Variants in FRMD3 observed in about 807,000 individuals in gnomAD.
The protein encoded by FRMD3 is FERM domain containing 3.
FRMD3 carries 33 observed loss-of-function variants against 70.2 expected under a neutral mutation model. The observed-to-expected ratio is 0.47, with a 90% CI of 0.36 to 0.63. The LOEUF is 0.63. Ranked by LOEUF, FRMD3 falls within the 20% of genes least tolerant of loss-of-function variation. The pLI is 0.00. For synonymous variants in FRMD3, 279 were observed against 255.9 expected, an observed-to-expected ratio of 1.09 and a Z score of -0.86; for missense variants, 632 against 711.4, an observed-to-expected ratio of 0.89 and a Z score of 1.27.
chr9:83,479,855 C>A (rs1828526421), intron 1 of FRMD3, among the ~76,000 whole-genome samples: 1 of 151,140 alleles, frequency 6.6e-6, no homozygotes, highest in African/African-American at 2.4e-5. Flanking sequence ...TAATCGCAAT[C>A]AGTAGTGAAT....
chr9:83,515,135 T>C (rs1217394532), intron 1 of FRMD3, among the ~76,000 whole-genome samples: 3 of 152,130 alleles, frequency 2.0e-5, no homozygotes, highest in Non-Finnish European at 4.4e-5. Flanking sequence ...TTGACAGAAG[T>C]AGGCTTCAGA....
chr9:83,335,675 A>T, intron 5 of FRMD3, 36 bp from the exon 6 acceptor site: 1 of 1,596,188 alleles, frequency 6.3e-7, no homozygotes, highest in Non-Finnish European at 8.5e-7. Flanking sequence ...ACAGAGAAAG[A>T]TTAAAAACAA....
At chr9:83,339,097 T>C (rs894637843) in intron 5 of FRMD3, among the ~76,000 whole-genome samples, 5 of 152,156 alleles carry the variant, frequency 3.3e-5, no homozygotes, top group Non-Finnish European at 7.3e-5. Context: ...TTTTTCAGGG[T>C]GCCCTTTTCT....
At position 83,526,984 on chromosome 9, in the gene FRMD3, C is replaced by A. The variant is rs184941490; in HGVS notation, c.147+11101G>T. 1.3e-3 allele frequency among the ~76,000 whole-genome samples: 201 copies of A among 151,820 alleles called. 2 individuals carry two copies. Among genetic ancestry groups the A allele is most frequent in the African/African-American group, 4.6e-3 (191 of 41,396 alleles). Reference sequence around the variant, plus strand: ...CTCAGCTCCAGAGCTTAAGTTACAACTGGAATGCATTTTGCATGGCCCTCC... The same window carrying A: ...CTCAGCTCCAGAGCTTAAGTTACAAATGGAATGCATTTTGCATGGCCCTCC... On this transcript the variant is annotated intron_variant, in intron 1 of 13. Transcript: ENST00000304195.
At chr9:83,572,943 A>G in the FRMD3 span, among the ~76,000 whole-genome samples, 2 of 152,208 alleles carry the variant, frequency 1.3e-5, no homozygotes, top group Non-Finnish European at 2.9e-5. Context: ...AAAGGCTGTG[A>G]CCATCATGGA....
chr9:83,417,323 GC>G (rs1826486722), intron 1 of FRMD3, among the ~76,000 whole-genome samples: 1 of 152,126 alleles, frequency 6.6e-6, no homozygotes, highest in Non-Finnish European at 1.5e-5. Context: ...AGTAAACCAT[GC>G]CTGCTCTCAG....
intron 5 of FRMD3, among the ~76,000 whole-genome samples, chr9:83,335,860 C>T (rs989390950): frequency 5.9e-5 from 9 of 152,110 alleles, no homozygotes; most frequent in South Asian, 2.1e-4. Flanking sequence ...CTCTGGGTCT[C>T]GCCTTCTTTA....
At chr9:83,553,459 ATCT>A in the FRMD3 span, among the ~76,000 whole-genome samples, 3 of 152,146 alleles carry the variant, frequency 2.0e-5, no homozygotes, top group South Asian at 4.1e-4. Flanking sequence ...CTTGGGGATG[ATCT>A]TCTTGTGTAG....
intron 4 of FRMD3, among the ~76,000 whole-genome samples, chr9:83,344,085 C>T (rs1225856063): frequency 6.6e-6 from 1 of 152,228 alleles, no homozygotes; most frequent in Non-Finnish European, 1.5e-5. Context: ...AGGTTGCAAC[C>T]CCTGGCTCAG....
Position 83,512,572 on chromosome 9 carries a change from G to A in FRMD3, c.147+25513C>T, listed in dbSNP as rs538076410. On this transcript the variant is annotated intron_variant, in intron 1 of 13. Transcript: ENST00000304195. The stretch of plus-strand genomic sequence containing the variant: ...TCTAAACCCATCTGCGGAAATGACC[G>A]TAGGGACTACTGTGGTAGCATATAC... Among the ~76,000 whole-genome samples, 6 of 152,260 alleles carry A rather than the reference G, an allele frequency of 3.9e-5. No homozygotes were observed. In the South Asian group the frequency reaches 1.2e-3, roughly 32 times the overall value.
chr9:83,257,230 A>G (rs1410949450), intron 13 of FRMD3, among the ~76,000 whole-genome samples: 1 of 152,208 alleles, frequency 6.6e-6, no homozygotes, highest in Non-Finnish European at 1.5e-5. Context: ...AGGGACATGG[A>G]TGGAGTTGGA....
At chr9:83,545,367 T>G in the FRMD3 span, among the ~76,000 whole-genome samples, 6,803 of 147,542 alleles carry the variant, frequency 0.046, 206 homozygotes, top group Non-Finnish European at 0.072. Flanking sequence ...TTTTTTTTTT[T>G]TTTTTTTTGA....
intron 1 of FRMD3, among the ~76,000 whole-genome samples, chr9:83,436,980 A>T (rs117625437): frequency 7.2e-4 from 109 of 152,280 alleles, no homozygotes; most frequent in South Asian, 2.5e-3. Flanking sequence ...CAGCCAAGAC[A>T]ACAGAAAACT....
intron 7 of FRMD3, 45 bp downstream of exon 7, chr9:83,313,615 G>T: frequency 1.4e-6 from 2 of 1,479,452 alleles, no homozygotes; most frequent in Non-Finnish European, 1.9e-6. Flanking sequence ...CTCTCTTTTG[G>T]GCAAAACAAC....
intron 1 of FRMD3, among the ~76,000 whole-genome samples, chr9:83,463,522 T>C (rs928376868): frequency 6.6e-6 from 1 of 152,126 alleles, no homozygotes; most frequent in African/African-American, 2.4e-5. Flanking sequence ...CTCACTATCA[T>C]GAGAACAGTA....
intron 10 of FRMD3, among the ~76,000 whole-genome samples, chr9:83,301,726 C>T (rs1027007114): frequency 1.3e-5 from 2 of 152,382 alleles, no homozygotes; most frequent in African/African-American, 4.8e-5. Flanking sequence ...CCACTATCAT[C>T]GGCTTGAACC....
the FRMD3 span, among the ~76,000 whole-genome samples, chr9:83,575,694 G>C: frequency 2.6e-5 from 4 of 152,264 alleles, no homozygotes; most frequent in African/African-American, 9.6e-5. Flanking sequence ...TACTGAAACT[G>C]ACTAAAGAAG....
At chr9:83,581,105 TTAAA>T in the FRMD3 span, among the ~76,000 whole-genome samples, 118,215 of 151,350 alleles carry the variant, frequency 0.78, 46,488 homozygotes, top group East Asian at 1. Context: ...AGATGAAATG[TTAAA>T]TAAATAAAAT....
intron 6 of FRMD3, among the ~76,000 whole-genome samples, chr9:83,316,078 T>C (rs566605156): frequency 6.6e-6 from 1 of 152,328 alleles, no homozygotes; most frequent in African/African-American, 2.4e-5. Flanking sequence ...TCTAATGCTT[T>C]TCCTGTTATC....
Sources: gnomAD v4.1 joint callset for allele counts (sites outside exome capture counted in the v4.1 genomes callset) on GRCh38, gnomAD v4.1.1 for gene constraint, MANE v1.5 for transcripts, NCBI Gene and HGNC (gene_info 2026-07-23, HGNC 2026-07-21) for gene names.